MFSD8: variants seen among roughly 807,000 people sequenced by gnomAD.
The protein encoded by MFSD8 is major facilitator superfamily domain-containing protein 8.
In MFSD8, 55 loss-of-function variants were observed where a neutral mutation model predicts 66.4. That is an observed-to-expected ratio of 0.83 (90% CI 0.67 to 1.04). The LOEUF (loss-of-function observed/expected upper bound fraction) is 1.04. Ranked by LOEUF, MFSD8 falls within the 50% of genes least tolerant of loss-of-function variation. MFSD8 has a pLI of 0.00. For missense variants in MFSD8, 550 were observed against 627.6 expected (o/e 0.88, Z 1.32); for synonymous variants, 202 against 212.8 (o/e 0.95, Z 0.44).
chr4:127,937,340 C>T (rs1175300787), intron 7 of MFSD8, among the ~76,000 whole-genome samples: 1 of 152,172 alleles, frequency 6.6e-6, no homozygotes, highest in Non-Finnish European at 1.5e-5. Context: ...TTCTTGTTCT[C>T]TCTCATTCTT....
Position 127,939,902 on chromosome 4 carries a change from T to A in MFSD8, c.649A>T (p.Ser217Cys). Residue 217 changes from serine to cysteine, a missense_variant, in exon 6 of 12, where the codon AGC becomes TGC. Ser to Cys is a moderately radical substitution (Grantham distance 112). Coordinates refer to ENST00000641686, the MANE Select transcript of MFSD8 (RefSeq NM_001371596.2). Reference sequence around the variant, plus strand: ...ATATTTAAAATTCCCAGGAAGGCGCTAAGTAAAACTGGTGTTGTATACATG... The same window carrying A: ...ATATTTAAAATTCCCAGGAAGGCGCAAAGTAAAACTGGTGTTGTATACATG... ...INMYTTPVLLSAFLGILNIIL... is the reference protein window; with the variant it reads ...INMYTTPVLLCAFLGILNIIL... 6.2e-7 allele frequency: 1 copy of A among 1,613,580 alleles called. No homozygotes were observed.
chr4:127,928,338 C>T (rs993849441), intron 9 of MFSD8, among the ~76,000 whole-genome samples: 4 of 152,080 alleles, frequency 2.6e-5, no homozygotes, highest in Admixed American at 2.6e-4. Context: ...AGACTGGTCT[C>T]GAACTGCTGA....
chr4:127,927,184 T>G (rs556916987), intron 9 of MFSD8, among the ~76,000 whole-genome samples: 152 of 152,020 alleles, frequency 1.0e-3, no homozygotes, highest in East Asian at 1.7e-3. Flanking sequence ...GTTTTTTTTT[T>G]TTTGTTTTTC....
At chr4:127,940,743 T>C (rs892819254) in intron 5 of MFSD8, among the ~76,000 whole-genome samples, 4 of 146,696 alleles carry the variant, frequency 2.7e-5, no homozygotes, top group Non-Finnish European at 4.4e-5. Flanking sequence ...AAAATCTAAT[T>C]TGGATCTGTG....
intron 9 of MFSD8, among the ~76,000 whole-genome samples, chr4:127,930,239 C>CAA (rs879490591): frequency 7.2e-6 from 1 of 138,480 alleles, no homozygotes; most frequent in African/African-American, 2.7e-5. Context: ...GACCTTGTCT[C>CAA]AAAAAAAAAA....
At chr4:127,961,034 C>A (rs1743649016) in intron 1 of MFSD8, among the ~76,000 whole-genome samples, 2 of 152,096 alleles carry the variant, frequency 1.3e-5, no homozygotes, top group Non-Finnish European at 2.9e-5. Flanking sequence ...TTTCCAACCC[C>A]TGTTGTCTTA....
chr4:127,947,592 A>C (rs1034641345), intron 3 of MFSD8, among the ~76,000 whole-genome samples: 1 of 151,678 alleles, frequency 6.6e-6, no homozygotes, highest in Non-Finnish European at 1.5e-5. Flanking sequence ...AAAAAAAAAA[A>C]AACAGAGAGA....
chr4:127,938,901 TA>T, intron 6 of MFSD8, 63 bp from the exon 7 acceptor site: 1 of 1,286,590 alleles, frequency 7.8e-7, no homozygotes, highest in Non-Finnish European at 1.1e-6. Context: ...TGTTTAAATT[TA>T]TTATCGGCAT....
intron 6 of MFSD8, chr4:127,939,126 A>T: frequency 4.4e-6 from 1 of 226,396 alleles, no homozygotes; most frequent in Non-Finnish European, 8.6e-6. Context: ...AACATTAGTA[A>T]TAAATGTTTT....
At chr4:127,942,419 G>C (rs1177032847) in intron 4 of MFSD8, among the ~76,000 whole-genome samples, 1 of 152,140 alleles carries the variant, frequency 6.6e-6, no homozygotes, top group Non-Finnish European at 1.5e-5. Context: ...ACCAAGCCGG[G>C]CACAGTGGCT....
intron 8 of MFSD8, among the ~76,000 whole-genome samples, chr4:127,931,344 T>C (rs1369202265): frequency 6.6e-6 from 1 of 152,142 alleles, no homozygotes; most frequent in Non-Finnish European, 1.5e-5. Flanking sequence ...AAATGCAATT[T>C]ATATTTATTG....
intron 3 of MFSD8, among the ~76,000 whole-genome samples, chr4:127,948,610 G>C (rs1741456170): frequency 6.6e-6 from 1 of 152,188 alleles, no homozygotes; most frequent in Non-Finnish European, 1.5e-5. Flanking sequence ...GGCAAGAATT[G>C]AGGTTGCTGC....
At chr4:127,956,500 G>GAA (rs781476965) in intron 2 of MFSD8, among the ~76,000 whole-genome samples, 1 of 104,280 alleles carries the variant, frequency 9.6e-6, no homozygotes, top group South Asian at 3.2e-4. Flanking sequence ...ACTCCGTCTT[G>GAA]AAAAAAAAAA....
rs1334799696 is a variant in MFSD8 at position 127,962,412 on chromosome 4, G to A, written c.62+2660C>T. On this transcript the variant is annotated intron_variant, in intron 1 of 11. Coordinates refer to ENST00000641686, the MANE Select transcript of MFSD8 (RefSeq NM_001371596.2). ...GAACCTGGGAGGCAGAGGTGGCAGT[G>A]AGCCAAAATCGCACCACTGCACTCC... Among the ~76,000 whole-genome samples, 5 of 152,072 alleles carry A rather than the reference G, an allele frequency of 3.3e-5. No homozygotes were observed. In the South Asian group the frequency reaches 6.2e-4, roughly 19 times the overall value.
In MFSD8 at chr4:127,920,834, A is replaced by G; in HGVS notation, c.1353T>C (p.Gly451=). 6.2e-7 allele frequency: 1 copy of G among 1,613,424 alleles called. No individual in the cohort carries two copies. The highest frequency in any genetic ancestry group is 2.2e-5 in the East Asian group (1 of 44,866). Residue 451 remains glycine (G), a splice_region_variant and synonymous_variant, in exon 12 of 12, where the codon GGT becomes GGC. Coordinates refer to ENST00000641686, the MANE Select transcript of MFSD8 (RefSeq NM_001371596.2). ...ATGCTGTTAACCAGCCCATGTATACACCCTGTTGGGGGTGAAATGGAGGAC... is the reference window on the plus strand; with the variant it reads ...ATGCTGTTAACCAGCCCATGTATACGCCCTGTTGGGGGTGAAATGGAGGAC... The part of the protein sequence containing the change: ...YSKILGPKPQ[G]VYMGWLTASG...
intron 9 of MFSD8, among the ~76,000 whole-genome samples, chr4:127,925,773 T>C (rs1383369709): frequency 1.3e-5 from 2 of 152,130 alleles, no homozygotes; most frequent in African/African-American, 4.8e-5. Context: ...CATTCTACTA[T>C]GAAGACACAT....
At chr4:127,939,654 C>A in intron 6 of MFSD8, 199 bp downstream of exon 6, 1 of 323,302 alleles carries the variant, frequency 3.1e-6, no homozygotes. Flanking sequence ...CAAAGACCTT[C>A]CTTTTCTGTT....
intron 2 of MFSD8, among the ~76,000 whole-genome samples, chr4:127,952,898 G>C (rs1742244593): frequency 6.7e-6 from 1 of 149,560 alleles, no homozygotes; most frequent in Non-Finnish European, 1.5e-5. Context: ...AAAATCTAAA[G>C]TTAAAATAAT....
At chr4:127,959,453 T>C (rs1240247547) in intron 1 of MFSD8, among the ~76,000 whole-genome samples, 3 of 152,202 alleles carry the variant, frequency 2.0e-5, no homozygotes, top group Non-Finnish European at 4.4e-5. Flanking sequence ...AAAACTTGAG[T>C]ATTAACTATG....
Sources: allele counts gnomAD v4.1 joint callset (sites outside exome capture counted in the v4.1 genomes callset), GRCh38; gene constraint gnomAD v4.1.1; transcripts MANE v1.5; gene names NCBI Gene and HGNC (gene_info 2026-07-23, HGNC 2026-07-21).